Variants in PTPRD observed in about 807,000 individuals in gnomAD.
PTPRD encodes the protein protein tyrosine phosphatase receptor type D, also known as receptor-type tyrosine-protein phosphatase delta.
In PTPRD, 34 loss-of-function variants were observed where a neutral mutation model predicts 214.5. That is an observed-to-expected ratio of 0.16 (90% CI 0.12 to 0.21). The LOEUF (loss-of-function observed/expected upper bound fraction) is 0.21. Ranked by LOEUF, PTPRD falls within the 10% of genes least tolerant of loss-of-function variation. PTPRD has a pLI of 1.00. For missense variants in PTPRD, 2,545 were observed against 2,398.7 expected (o/e 1.06, Z -1.27); for synonymous variants, 1,128 against 845.7 (o/e 1.33, Z -5.79).
chr9:8,894,516 G>A lies in PTPRD; in HGVS notation c.-104+124181C>T, dbSNP rs563092104. Reference sequence around the variant, plus strand: ...ATCCTGATAGGAGTCAGAATGTGGGGGTTGGGGGGTGCTTAGAAACTGTAA... The same window carrying A: ...ATCCTGATAGGAGTCAGAATGTGGGAGTTGGGGGGTGCTTAGAAACTGTAA... On this transcript the variant is annotated intron_variant, in intron 11 of 45. Coordinates refer to ENST00000381196, the MANE Select transcript of PTPRD (RefSeq NM_002839.4). 1.3e-3 allele frequency among the ~76,000 whole-genome samples: 205 copies of A among 152,168 alleles called. 1 individual carries two copies. The highest frequency in any genetic ancestry group is 2.1e-3 in the Admixed American group (32 of 15,286).
chr9:8,337,892 G>A (rs147299139), intron 43 of PTPRD, among the ~76,000 whole-genome samples: 2 of 150,196 alleles, frequency 1.3e-5, no homozygotes, highest in East Asian at 2.0e-4. Context: ...TTTTTTAAAC[G>A]GTGGGGCAGG....
At chr9:10,306,779 G>A (rs1466466945) in intron 3 of PTPRD, among the ~76,000 whole-genome samples, 1 of 152,084 alleles carries the variant, frequency 6.6e-6, no homozygotes, top group Non-Finnish European at 1.5e-5. Flanking sequence ...TACAATGTGT[G>A]TATTCTAAAT....
intron 4 of PTPRD, among the ~76,000 whole-genome samples, chr9:9,972,676 G>T (rs1432036475): frequency 6.6e-6 from 1 of 152,088 alleles, no homozygotes; most frequent in Admixed American, 6.5e-5. Flanking sequence ...CAAGGTGTCA[G>T]CAAAGCTGGT....
chr9:9,403,455 G>A (rs892503450), intron 8 of PTPRD, among the ~76,000 whole-genome samples: 5 of 145,416 alleles, frequency 3.4e-5, no homozygotes, highest in Admixed American at 2.8e-4. Context: ...AATCATATCC[G>A]AAGTAAGATG....
intron 3 of PTPRD, among the ~76,000 whole-genome samples, chr9:10,083,080 CCTT>C (rs148212060): frequency 0.025 from 3,765 of 151,728 alleles, 93 homozygotes; most frequent in African/African-American, 0.066. Context: ...ATGCATTTTT[CCTT>C]CTTCTCTCTG....
chr9:8,909,081 C>T (rs749212510), intron 11 of PTPRD, among the ~76,000 whole-genome samples: 5 of 151,690 alleles, frequency 3.3e-5, no homozygotes, highest in Non-Finnish European at 5.9e-5. Flanking sequence ...AAAACTGACT[C>T]AAAAAGAAAA....
At chr9:10,385,356 G>C (rs557336166) in intron 2 of PTPRD, among the ~76,000 whole-genome samples, 1 of 151,578 alleles carries the variant, frequency 6.6e-6, no homozygotes. Context: ...ATTTTTTCTT[G>C]TAGGCTTTAG....
intron 12 of PTPRD, among the ~76,000 whole-genome samples, chr9:8,707,328 T>C (rs73640944): frequency 0.06 from 9,182 of 152,254 alleles, 912 homozygotes; most frequent in African/African-American, 0.21. Flanking sequence ...GAAATGCAGA[T>C]CTTAAATTGA....
intron 3 of PTPRD, among the ~76,000 whole-genome samples, chr9:10,093,421 G>A (rs2098452101): frequency 6.6e-6 from 1 of 151,438 alleles, no homozygotes; most frequent in African/African-American, 2.4e-5. Flanking sequence ...CAGTCAGAAT[G>A]GCGATTCCTA....
chr9:8,874,404 T>C (rs2098356413), intron 11 of PTPRD, among the ~76,000 whole-genome samples: 1 of 152,166 alleles, frequency 6.6e-6, no homozygotes, highest in Admixed American at 6.5e-5. Context: ...CAAATGAACC[T>C]GGGAGAGACA....
intron 10 of PTPRD, among the ~76,000 whole-genome samples, chr9:9,178,591 T>C (rs565677715): frequency 3.3e-5 from 5 of 152,210 alleles, no homozygotes; most frequent in Admixed American, 2.0e-4. Flanking sequence ...TGTAGACATA[T>C]TGACAAACTC....
At chr9:10,236,775 A>C (rs976358521) in intron 3 of PTPRD, among the ~76,000 whole-genome samples, 1 of 151,934 alleles carries the variant, frequency 6.6e-6, no homozygotes, top group Non-Finnish European at 1.5e-5. Flanking sequence ...TTAGTTCAAA[A>C]TACTTCACAA....
At chr9:10,187,721 C>T (rs1199617830) in intron 3 of PTPRD, among the ~76,000 whole-genome samples, 1 of 152,204 alleles carries the variant, frequency 6.6e-6, no homozygotes, top group Non-Finnish European at 1.5e-5. Flanking sequence ...TAGAAAGATG[C>T]TCCTCTGCTT....
chr9:10,412,622 A>G lies in PTPRD; in HGVS notation c.-599-71605T>C, dbSNP rs28867674. On this transcript the variant is annotated intron_variant, in intron 2 of 45. Coordinates refer to ENST00000381196, the MANE Select transcript of PTPRD (RefSeq NM_002839.4). ...TGCAGATATACACACACGCACGCAC[A>G]CACACACACAAACACACACACACAC... Among the ~76,000 whole-genome samples, 9 of 68,076 alleles carry G rather than the reference A, an allele frequency of 1.3e-4. No individual in the cohort carries two copies. In the South Asian group the frequency reaches 2.0e-3, roughly 15 times the overall value. The allele number at this position is 68,076 out of a possible 152,430, so 44.7% of individuals were successfully genotyped here. A position where few individuals can be genotyped will look rare whatever the true frequency, so the allele number is the denominator to read the frequency against.
intron 4 of PTPRD, among the ~76,000 whole-genome samples, chr9:9,996,805 A>G (rs577788414): frequency 2.6e-5 from 4 of 152,328 alleles, no homozygotes; most frequent in Admixed American, 2.0e-4. Flanking sequence ...GAAGGTTACT[A>G]AAGAAAATAA....
intron 8 of PTPRD, among the ~76,000 whole-genome samples, chr9:9,404,121 G>A (rs901808476): frequency 6.6e-6 from 1 of 152,094 alleles, no homozygotes; most frequent in Non-Finnish European, 1.5e-5. Context: ...AATACATTTA[G>A]AGAGGTAGGT....
chr9:8,932,860 G>A (rs4260942), intron 11 of PTPRD, among the ~76,000 whole-genome samples: 1 of 150,356 alleles, frequency 6.7e-6, no homozygotes, highest in African/African-American at 2.5e-5. Context: ...GGCTTCCGTC[G>A]CCTTTCCAGG....
chr9:10,367,743 T>G (rs1263141010), intron 2 of PTPRD, among the ~76,000 whole-genome samples: 1 of 152,072 alleles, frequency 6.6e-6, no homozygotes, highest in East Asian at 1.9e-4. Context: ...TCTTAGAGTG[T>G]TCAAAGTGTT....
At chr9:10,038,502 T>C (rs2097231388) in intron 3 of PTPRD, among the ~76,000 whole-genome samples, 1 of 152,120 alleles carries the variant, frequency 6.6e-6, no homozygotes, top group South Asian at 2.1e-4. Flanking sequence ...ATAATGTATC[T>C]TACACTTCTG....
Sources: allele counts gnomAD v4.1 joint callset (sites outside exome capture counted in the v4.1 genomes callset), GRCh38; gene constraint gnomAD v4.1.1; transcripts MANE v1.5; gene names NCBI Gene and HGNC (gene_info 2026-07-23, HGNC 2026-07-21).